Variants in CACNA1D observed in about 807,000 individuals in gnomAD.
CACNA1D encodes the protein voltage-dependent L-type calcium channel subunit alpha-1D.
Under a neutral mutation model 257.1 loss-of-function variants are expected in CACNA1D, and 55 were observed. That is an observed-to-expected ratio of 0.21 (90% confidence interval 0.17 to 0.27). CACNA1D has a LOEUF of 0.27. Among genes scored for constraint, CACNA1D ranks in the 10% least tolerant of loss-of-function variants. The probability of loss-of-function intolerance (pLI) is 1.00; values close to 1 mark genes in which losing one functional copy is unlikely to be tolerated. For missense variants in CACNA1D, 1,876 were observed against 2,784.0 expected (o/e 0.67, Z 7.34); for synonymous variants, 980 against 1,014.9 (o/e 0.97, Z 0.65).
intron 3 of CACNA1D, among the ~76,000 whole-genome samples, chr3:53,599,874 C>T (rs2093420758): frequency 1.3e-5 from 2 of 152,208 alleles, no homozygotes; most frequent in South Asian, 4.1e-4. Flanking sequence ...GTTGAGGTGT[C>T]TGTCCTAATT....
intron 23 of CACNA1D, among the ~76,000 whole-genome samples, chr3:53,745,275 C>G (rs1232449748): frequency 6.6e-6 from 1 of 151,076 alleles, no homozygotes; most frequent in African/African-American, 2.4e-5. Context: ...GAGTCTTGCT[C>G]TGTTGCCCAG....
chr3:53,717,650 C>T (rs796293290), intron 9 of CACNA1D, among the ~76,000 whole-genome samples: 15 of 152,254 alleles, frequency 9.9e-5, no homozygotes, highest in African/African-American at 2.6e-4. Context: ...TTCTTCCACT[C>T]GTAACACTAT....
intron 3 of CACNA1D, among the ~76,000 whole-genome samples, chr3:53,561,188 C>A (rs2092731825): frequency 6.6e-6 from 1 of 152,174 alleles, no homozygotes; most frequent in African/African-American, 2.4e-5. Flanking sequence ...AGCACCAAAG[C>A]TGTTGCTCTT....
chr3:53,766,366 A>G (rs1338505566), intron 30 of CACNA1D, among the ~76,000 whole-genome samples: 1 of 152,182 alleles, frequency 6.6e-6, no homozygotes, highest in Non-Finnish European at 1.5e-5. Context: ...CCCTCCTCCC[A>G]GAGGTGTTAC....
intron 3 of CACNA1D, among the ~76,000 whole-genome samples, chr3:53,598,719 T>A (rs1452749836): frequency 6.6e-6 from 1 of 152,208 alleles, no homozygotes; most frequent in Non-Finnish European, 1.5e-5. Context: ...TTCAGAAGAA[T>A]TACATAGTCA....
At chr3:53,573,863 A>G (rs2092990730) in intron 3 of CACNA1D, among the ~76,000 whole-genome samples, 1 of 152,206 alleles carries the variant, frequency 6.6e-6, no homozygotes, top group Non-Finnish European at 1.5e-5. Flanking sequence ...ATTTTAACAA[A>G]TTTTAAGAGC....
chr3:53,531,744 T>G (rs577289636), intron 3 of CACNA1D, among the ~76,000 whole-genome samples: 1 of 152,318 alleles, frequency 6.6e-6, no homozygotes, highest in Non-Finnish European at 1.5e-5. Context: ...TCTTATTGAG[T>G]CTTCTCTGAC....
chr3:53,501,786 G>T (rs770726556), intron 3 of CACNA1D, 66 bp downstream of exon 3: 32 of 909,162 alleles, frequency 3.5e-5, no homozygotes, highest in Non-Finnish European at 5.0e-5. Context: ...TACTTAAACT[G>T]GCAGCTGGCC....
At chr3:53,691,228 C>G (rs1322521631) in intron 8 of CACNA1D, among the ~76,000 whole-genome samples, 1 of 151,608 alleles carries the variant, frequency 6.6e-6, no homozygotes, top group Non-Finnish European at 1.5e-5. Flanking sequence ...CAACTTCCGC[C>G]TCCTGGGTTC....
chr3:53,590,050 C>T (rs2093280307), intron 3 of CACNA1D, among the ~76,000 whole-genome samples: 2 of 152,222 alleles, frequency 1.3e-5, no homozygotes, highest in South Asian at 4.1e-4. Flanking sequence ...CACCTCACCT[C>T]CTCAAATCCC....
In CACNA1D at chr3:53,495,100, T is replaced by G; in HGVS notation, c.-67T>G. On this transcript the variant is annotated 5_prime_UTR_variant, in exon 1 of 48. Transcript: ENST00000350061. This position sits in a 1 kb window ranked among gnomAD's most constrained non-coding sequence, Gnocchi z 5.1. The stretch of plus-strand genomic sequence containing the variant: ...TACCTCTTGGTGATCCCCTTCCCCA[T>G]TCCGCCCCCGCCTCAACGCCCAGCA... 19 of 1,086,310 alleles carry G rather than the reference T, an allele frequency of 1.7e-5. No homozygotes were observed. The highest frequency in any genetic ancestry group is 6.2e-5 in the East Asian group (2 of 32,122). The allele number at this position is 1,086,310 out of a possible 1,614,324, so 67.3% of individuals were successfully genotyped here. A position where few individuals can be genotyped will look rare whatever the true frequency, so the allele number is the denominator to read the frequency against.
intron 3 of CACNA1D, among the ~76,000 whole-genome samples, chr3:53,535,060 C>T (rs1002452709): frequency 1.3e-5 from 2 of 152,192 alleles, no homozygotes; most frequent in Admixed American, 1.3e-4. Flanking sequence ...TAGGTACACA[C>T]AGGCACCCAG....
chr3:53,644,627 A>G (rs1487228715), intron 3 of CACNA1D, among the ~76,000 whole-genome samples: 1 of 152,170 alleles, frequency 6.6e-6, no homozygotes, highest in African/African-American at 2.4e-5. Context: ...AGGTTCACCC[A>G]TGTTATTGCA....
In CACNA1D at chr3:53,670,886, A is replaced by G. The variant is rs143630028; in HGVS notation, c.1117-2137A>G. On this transcript the variant is annotated intron_variant, in intron 7 of 47. Transcript: ENST00000350061. Reference sequence around the variant, plus strand: ...TTGCATGTTCTGATTTTTCTTTTGTATATGGTAAGATCCAAGAAATGCTTG... The same window carrying G: ...TTGCATGTTCTGATTTTTCTTTTGTGTATGGTAAGATCCAAGAAATGCTTG... 1.8e-3 allele frequency among the ~76,000 whole-genome samples: 278 copies of G among 152,254 alleles called. 9 individuals carry two copies. In the South Asian group the frequency reaches 0.031, roughly 17 times the overall value.
At chr3:53,643,649 C>T (rs2093987579) in intron 3 of CACNA1D, among the ~76,000 whole-genome samples, 1 of 152,126 alleles carries the variant, frequency 6.6e-6, no homozygotes, top group South Asian at 2.1e-4. Flanking sequence ...TGTTTTCCAA[C>T]TGGAAGAGAT....
intron 3 of CACNA1D, among the ~76,000 whole-genome samples, chr3:53,572,650 T>C (rs807186): frequency 0.69 from 104,579 of 152,084 alleles, 39,005 homozygotes; most frequent in Non-Finnish European, 0.83. Context: ...TCCACCCGCA[T>C]TGGCCTCTCA....
Position 53,723,746 on chromosome 3 carries a change from G to A in CACNA1D, c.1893-46G>A. 1 of 1,589,824 alleles carries A rather than the reference G, an allele frequency of 6.3e-7. No homozygotes were observed. Among genetic ancestry groups the A allele is most frequent in the Non-Finnish European group, 8.6e-7 (1 of 1,157,960 alleles). On this transcript the variant is annotated intron_variant, in intron 13 of 47. Transcript: ENST00000350061. This position sits in a 1 kb window ranked among gnomAD's most constrained non-coding sequence, Gnocchi z 5.6. ...CCCCGGGCAGGTGATGTTCTGCTCT[G>A]TCCTGCATGGGTGTTCTGAGCTGAC... is the stretch of plus-strand genomic sequence containing the variant.
intron 26 of CACNA1D, 121 bp from the exon 27 acceptor site, chr3:53,749,147 G>A (rs756341308): frequency 9.4e-6 from 7 of 740,780 alleles, no homozygotes; most frequent in African/African-American, 3.5e-5. Context: ...CAGCCTTGGG[G>A]TGGGTTCCCA....
intron 3 of CACNA1D, among the ~76,000 whole-genome samples, chr3:53,578,025 T>C (rs1228242284): frequency 6.6e-6 from 1 of 152,148 alleles, no homozygotes; most frequent in African/African-American, 2.4e-5. Context: ...AGTCAAAAAT[T>C]ACGTATGGAG....
Sources: gnomAD v4.1 joint callset for allele counts (sites outside exome capture counted in the v4.1 genomes callset) on GRCh38, gnomAD v4.1.1 for gene constraint, Gnocchi (gnomAD v3.1) non-coding constraint, MANE v1.5 for transcripts, NCBI Gene and HGNC (gene_info 2026-07-23, HGNC 2026-07-21) for gene names.